CLCN3: variants seen among roughly 807,000 people sequenced by gnomAD.
The protein encoded by CLCN3 is Cl-/H+ antiporter 3, also known as H(+)/Cl(-) exchange transporter 3.
A neutral mutation model predicts 83.4 loss-of-function variants in CLCN3; 16 were observed. The observed-to-expected ratio is 0.19, with a 90% CI of 0.13 to 0.29. The LOEUF (loss-of-function observed/expected upper bound fraction) is 0.29. CLCN3 is among the 10% of genes least tolerant of loss of function. CLCN3 has a pLI of 1.00. For missense variants in CLCN3, 544 were observed against 1,006.0 expected, an observed-to-expected ratio of 0.54 and a Z score of 6.21; for synonymous variants, 322 against 346.2, an observed-to-expected ratio of 0.93 and a Z score of 0.78.
At chr4:169,655,174 C>T (rs938256856) in intron 2 of CLCN3, among the ~76,000 whole-genome samples, 3 of 151,910 alleles carry the variant, frequency 2.0e-5, no homozygotes, top group Admixed American at 2.0e-4. Context: ...TGTTTTTATC[C>T]TCTTTACTTT....
chr4:169,636,732 T>TTGG (rs1773511653), intron 2 of CLCN3, among the ~76,000 whole-genome samples: 1 of 67,806 alleles, frequency 1.5e-5, no homozygotes, highest in Non-Finnish European at 2.7e-5. Context: ...ATTTCATTAT[T>TTGG]TGGTTTTTTT....
rs1732531163 is a variant in CLCN3 at position 169,695,492 on chromosome 4, A to G, written c.937-120A>G. 1.6e-5 allele frequency: 12 copies of G among 735,186 alleles called. No individual in the cohort carries two copies. In the Middle Eastern group the frequency reaches 3.9e-3, roughly 242 times the overall value. The allele number at this position is 735,186 out of a possible 1,614,324, so 45.5% of individuals were successfully genotyped here. A position where few individuals can be genotyped will look rare whatever the true frequency, so the allele number is the denominator to read the frequency against. On this transcript the variant is annotated intron_variant, in intron 7 of 12. Coordinates refer to ENST00000513761, the MANE Select transcript of CLCN3 (RefSeq NM_001829.4). ...ATAGTTACCCTTTGCTTAGGGAGCAAGGAAACATGCAAGTTAAATTCAGAA... is the reference window on the plus strand; with the variant it reads ...ATAGTTACCCTTTGCTTAGGGAGCAGGGAAACATGCAAGTTAAATTCAGAA...
chr4:169,697,866 A>G (rs1732627702), intron 9 of CLCN3, 132 bp downstream of exon 9: 4 of 671,542 alleles, frequency 6.0e-6, no homozygotes, highest in Admixed American at 2.6e-5. Context: ...TTAAGTAATG[A>G]AAAAGATAAT....
At chr4:169,658,347 TC>T (rs893477766) in intron 2 of CLCN3, among the ~76,000 whole-genome samples, 3 of 152,024 alleles carry the variant, frequency 2.0e-5, no homozygotes, top group African/African-American at 7.2e-5. Context: ...CGGGAGGATT[TC>T]CCCCATCAGT....
chr4:169,678,672 C>T lies in CLCN3; in HGVS notation c.161-1378C>T, dbSNP rs568409211. On this transcript the variant is annotated intron_variant, in intron 2 of 12. Coordinates refer to ENST00000513761, the MANE Select transcript of CLCN3 (RefSeq NM_001829.4). ...CTGTTTAACAAAGCACATCTTGCAC[C>T]GCCCTTAATCCCTTTAACCCTGAGT... Among the ~76,000 whole-genome samples, 650 of 152,226 alleles carry T rather than the reference C, an allele frequency of 4.3e-3. 1 individual carries two copies. Among genetic ancestry groups the T allele is most frequent in the Non-Finnish European group, 6.0e-3 (411 of 68,026 alleles).
At chr4:169,694,352 C>T (rs6852201) in intron 7 of CLCN3, among the ~76,000 whole-genome samples, 68,353 of 152,026 alleles carry the variant, frequency 0.45, 17,674 homozygotes, top group East Asian at 0.76. Context: ...GTTATCTACC[C>T]ATAGCCATAC....
At position 169,680,242 on chromosome 4, in the gene CLCN3, G is replaced by C. The variant is rs1428063517; in HGVS notation, c.318+35G>C. On this transcript the variant is annotated intron_variant, in intron 3 of 12. Coordinates refer to ENST00000513761, the MANE Select transcript of CLCN3 (RefSeq NM_001829.4). ...TTTAGTAAAAATTTTTAAAAACATA[G>C]TGCATAATTAGATCTTTTAATAATA... 2.0e-6 allele frequency: 3 copies of C among 1,471,832 alleles called. No individual in the cohort carries two copies. In the East Asian group the frequency reaches 6.9e-5, roughly 34 times the overall value. 91.2% of individuals were successfully genotyped at this position (1,471,832 alleles called of 1,614,324 possible).
chr4:169,667,147 T>C (rs1731274890), intron 2 of CLCN3, among the ~76,000 whole-genome samples: 1 of 152,218 alleles, frequency 6.6e-6, no homozygotes, highest in Non-Finnish European at 1.5e-5. Context: ...AGATCTAGGA[T>C]CCATTTTTAG....
At chr4:169,711,038 A>G (rs925765756) in intron 11 of CLCN3, among the ~76,000 whole-genome samples, 6 of 152,164 alleles carry the variant, frequency 3.9e-5, no homozygotes, top group African/African-American at 1.4e-4. Flanking sequence ...TTTATACTAG[A>G]GTTAGAAATG....
chr4:169,636,782 A>G (rs1473234328), intron 2 of CLCN3, among the ~76,000 whole-genome samples: 1 of 139,650 alleles, frequency 7.2e-6, no homozygotes, highest in Non-Finnish European at 1.5e-5. Flanking sequence ...CAGTGCCACT[A>G]TGAATTGTCA....
At chr4:169,668,601 C>T (rs886553573) in intron 2 of CLCN3, among the ~76,000 whole-genome samples, 4 of 152,120 alleles carry the variant, frequency 2.6e-5, no homozygotes, top group African/African-American at 9.7e-5. Flanking sequence ...CTCTACTAGG[C>T]CACCTGGAAG....
intron 11 of CLCN3, among the ~76,000 whole-genome samples, chr4:169,709,242 C>T (rs1733107159): frequency 1.3e-5 from 2 of 150,974 alleles, no homozygotes; most frequent in Admixed American, 1.3e-4. Context: ...AATTTCCATG[C>T]TGTCTCATAA....
intron 2 of CLCN3, chr4:169,660,333 CTTTT>C (rs1467309866): frequency 7.3e-7 from 1 of 1,375,260 alleles, no homozygotes; most frequent in Non-Finnish European, 9.3e-7. Flanking sequence ...CAAGCTTTTT[CTTTT>C]TCTTTTTCTT....
chr4:169,646,676 A>G (rs1347268646), intron 2 of CLCN3, among the ~76,000 whole-genome samples: 1 of 152,202 alleles, frequency 6.6e-6, no homozygotes, highest in Non-Finnish European at 1.5e-5. Context: ...TCAGTAGAGT[A>G]GCAGGATATA....
chr4:169,652,527 ATTCATTTTACTT>A, intron 2 of CLCN3, among the ~76,000 whole-genome samples: 1 of 152,304 alleles, frequency 6.6e-6, no homozygotes, highest in South Asian at 2.1e-4. Context: ...CAGTTTACCT[ATTCATTTTACTT>A]TTGATGGATC....
intron 2 of CLCN3, among the ~76,000 whole-genome samples, chr4:169,664,920 G>C (rs1465961563): frequency 6.6e-6 from 1 of 152,064 alleles, no homozygotes; most frequent in Non-Finnish European, 1.5e-5. Flanking sequence ...GCAGGAGACT[G>C]GTAGTTTAAA....
chr4:169,654,589 A>G (rs758233835), intron 2 of CLCN3, among the ~76,000 whole-genome samples: 1 of 152,002 alleles, frequency 6.6e-6, no homozygotes, highest in Non-Finnish European at 1.5e-5. Context: ...ATCATTTTTA[A>G]CGTTTATAAT....
chr4:169,679,836 G>A (rs1004455462), intron 2 of CLCN3, among the ~76,000 whole-genome samples: 2 of 152,250 alleles, frequency 1.3e-5, no homozygotes, highest in South Asian at 2.1e-4. Flanking sequence ...CTGAGATCGC[G>A]GCAGTACAGT....
At chr4:169,653,473 C>G (rs529962089) in intron 2 of CLCN3, among the ~76,000 whole-genome samples, 1 of 151,894 alleles carries the variant, frequency 6.6e-6, no homozygotes, top group Non-Finnish European at 1.5e-5. Context: ...AACCCTGTCT[C>G]TACTAAAAAT....
Sources: allele counts gnomAD v4.1 joint callset (sites outside exome capture counted in the v4.1 genomes callset), GRCh38; gene constraint gnomAD v4.1.1; transcripts MANE v1.5; gene names NCBI Gene and HGNC (gene_info 2026-07-23, HGNC 2026-07-21).